The following ABCA4 variants were observed in gnomAD, a reference collection of about 807,000 sequenced individuals.
ABCA4 encodes retinal-specific phospholipid-transporting ATPase ABCA4.
Under a neutral mutation model 263.7 loss-of-function variants are expected in ABCA4, and 196 were observed. The observed-to-expected ratio is 0.74, with a 90% confidence interval of 0.66 to 0.84. ABCA4 has a LOEUF of 0.84. Among genes scored for constraint, ABCA4 ranks in the 40% least tolerant of loss-of-function variants. ABCA4 has a pLI of 0.00. For missense variants in ABCA4, 2,792 were observed against 2,855.1 expected (o/e 0.98, Z 0.50); for synonymous variants, 1,133 against 1,094.2 (o/e 1.04, Z -0.70).
At chr1:94,018,644 C>T in intron 36 of ABCA4, 1 of 453,186 alleles carries the variant, frequency 2.2e-6, no homozygotes, top group Non-Finnish European at 4.4e-6. Context: ...ATCTTATCAT[C>T]ACATGAAATG....
intron 26 of ABCA4, among the ~76,000 whole-genome samples, chr1:94,035,420 C>G (rs1660311012): frequency 6.6e-6 from 1 of 152,208 alleles, no homozygotes; most frequent in African/African-American, 2.4e-5. Context: ...GCCAGGACGA[C>G]TACATCTTTT....
At chr1:94,086,499 A>G (rs1239361185) in intron 6 of ABCA4, among the ~76,000 whole-genome samples, 1 of 152,106 alleles carries the variant, frequency 6.6e-6, no homozygotes, top group Admixed American at 6.5e-5. Flanking sequence ...AATTCAATTA[A>G]TCGTATTGCC....
chr1:93,999,766 G>A (rs1659125350), intron 47 of ABCA4, among the ~76,000 whole-genome samples: 1 of 152,148 alleles, frequency 6.6e-6, no homozygotes, highest in Non-Finnish European at 1.5e-5. Flanking sequence ...TCCACACAGG[G>A]AACACTCCCC....
intron 36 of ABCA4, 108 bp from the exon 37 acceptor site, chr1:94,015,962 C>T: frequency 1.1e-6 from 1 of 931,716 alleles, no homozygotes; most frequent in Non-Finnish European, 1.7e-6. Flanking sequence ...GTCTGGGATT[C>T]TGATTCGACT....
chr1:94,042,860 C>G lies in ABCA4; in HGVS notation c.3229G>C (p.Val1077Leu). 1 of 1,614,190 alleles carries G rather than the reference C, an allele frequency of 6.2e-7. No homozygotes were observed. Among genetic ancestry groups the G allele is most frequent in the Non-Finnish European group, 8.5e-7 (1 of 1,180,040 alleles). Reference protein sequence around the residue: ...QRKLSVAIAFVGDAKVVILDE... With the variant: ...QRKLSVAIAFLGDAKVVILDE... ...AGAATCACCACCTTGGCATCTCCCA[C>G]AAAGGCAATGGCAACCGACAGCTTT... is the stretch of plus-strand genomic sequence containing the variant. The change falls in exon 22 of 50, where the codon GTG becomes CTG. Residue 1077 changes from valine to leucine, a missense_variant. Physicochemically the swap from Val to Leu is conservative, Grantham distance 32. Coordinates refer to ENST00000370225, the MANE Select transcript of ABCA4 (RefSeq NM_000350.3).
At chr1:94,094,286 A>C (rs903839890) in intron 6 of ABCA4, among the ~76,000 whole-genome samples, 2 of 152,310 alleles carry the variant, frequency 1.3e-5, no homozygotes, top group Admixed American at 6.5e-5. Context: ...GCTTCTCCCC[A>C]GTGACTCAGG....
rs1220508122 is a variant in ABCA4, at chr1:94,099,085, T to C, written c.571-94A>G. ...GAACCTGGGAATACCTTGTGTTACA[T>C]GGCGACAGGAATTAAGATCGCAGAT... On this transcript the variant is annotated intron_variant, in intron 5 of 49. Coordinates refer to ENST00000370225, the MANE Select transcript of ABCA4 (RefSeq NM_000350.3). The C allele has an allele frequency of 5.3e-6, 7 of 1,326,018 alleles. No individual in the cohort carries two copies. The African/African-American group carries it at 5.8e-5, about 11-fold the overall frequency. The allele number at this position is 1,326,018 out of a possible 1,614,324, so 82.1% of individuals were successfully genotyped here.
intron 16 of ABCA4, among the ~76,000 whole-genome samples, chr1:94,054,094 C>T (rs1450340999): frequency 6.6e-6 from 1 of 152,220 alleles, no homozygotes; most frequent in Non-Finnish European, 1.5e-5. Flanking sequence ...CCAGAAAATG[C>T]TAATTTGAAG....
chr1:94,019,447 G>A, intron 36 of ABCA4, 135 bp downstream of exon 36: 1 of 958,108 alleles, frequency 1.0e-6, no homozygotes, highest in Non-Finnish European at 1.5e-6. Context: ...AGATACACAA[G>A]GCCCTTGGCC....
chr1:94,078,825 T>G, intron 9 of ABCA4, 119 bp from the exon 10 acceptor site: 2 of 802,346 alleles, frequency 2.5e-6, no homozygotes, highest in Non-Finnish European at 4.5e-6. Context: ...TTCAAGGAAG[T>G]GTTTTTATTT....
At chr1:94,038,154 T>A (rs778882375) in intron 24 of ABCA4, among the ~76,000 whole-genome samples, 1 of 147,940 alleles carries the variant, frequency 6.8e-6, no homozygotes, top group South Asian at 2.3e-4. Context: ...TGAGAAGCCA[T>A]GGAGAGAGGC....
intron 9 of ABCA4, 51 bp from the exon 10 acceptor site, chr1:94,078,757 G>A: frequency 1.5e-6 from 2 of 1,323,310 alleles, no homozygotes; most frequent in Admixed American, 3.6e-5. Context: ...AGAAAAGTGA[G>A]AGAGAACTTT....
At chr1:94,089,546 C>T (rs1661917714) in intron 6 of ABCA4, among the ~76,000 whole-genome samples, 1 of 150,858 alleles carries the variant, frequency 6.6e-6, no homozygotes, top group South Asian at 2.1e-4. Context: ...CTGCTCACTG[C>T]TCCGCCTCCC....
Position 94,080,104 on chromosome 1 carries a change from G to T in ABCA4, c.1099+374C>A, listed in dbSNP as rs4147829. Among the ~76,000 whole-genome samples the T allele has an allele frequency of 1.9e-4, 29 of 152,240 alleles. No homozygotes were observed. The East Asian group carries it at 5.4e-3, about 28-fold the overall frequency. The stretch of plus-strand genomic sequence containing the variant: ...TTTTCACGATATTGTGTTTGTAAAA[G>T]CATCCCACAGCCGTGTTTACTTGCC... On this transcript the variant is annotated intron_variant, in intron 8 of 49. Coordinates refer to ENST00000370225, the MANE Select transcript of ABCA4 (RefSeq NM_000350.3).
At chr1:94,011,490 T>G in intron 38 of ABCA4, 105 bp from the exon 39 acceptor site, 5 of 1,573,204 alleles carry the variant, frequency 3.2e-6, no homozygotes, top group Non-Finnish European at 4.4e-6. Flanking sequence ...GGGCAAGGCC[T>G]GCAGACAGAG....
intron 11 of ABCA4, among the ~76,000 whole-genome samples, chr1:94,063,886 C>G (rs1661197531): frequency 6.6e-6 from 1 of 151,900 alleles, no homozygotes; most frequent in African/African-American, 2.4e-5. Flanking sequence ...ACAAGTAATG[C>G]TGGGGGAGGA....
intron 36 of ABCA4, 183 bp downstream of exon 36, chr1:94,019,398 CT>C (rs1466715258): frequency 1.8e-5 from 12 of 683,230 alleles, no homozygotes. Flanking sequence ...CTTCGGGCTC[CT>C]AGTTCTGTGC....
At chr1:94,043,218 C>T in intron 21 of ABCA4, 118 bp downstream of exon 21, 2 of 1,441,884 alleles carry the variant, frequency 1.4e-6, no homozygotes, top group South Asian at 1.2e-5. Context: ...GGTGTAACTT[C>T]ACAGAGGTGT....
intron 3 of ABCA4, 112 bp downstream of exon 3, chr1:94,111,326 C>G: frequency 1.4e-6 from 2 of 1,445,398 alleles, no homozygotes; most frequent in Admixed American, 3.9e-5. Context: ...AGGGGCTCAG[C>G]AAAGCCACAA....
Sources: allele counts gnomAD v4.1 joint callset (sites outside exome capture counted in the v4.1 genomes callset), GRCh38; gene constraint gnomAD v4.1.1; transcripts MANE v1.5; gene names NCBI Gene and HGNC (gene_info 2026-07-23, HGNC 2026-07-21).